Variants in ASPH observed in about 807,000 individuals in gnomAD.
The protein encoded by ASPH is aspartate beta-hydroxylase.
ASPH carries 100 observed loss-of-function variants against 118.4 expected under a neutral mutation model. The observed-to-expected ratio is 0.84, with a 90% CI of 0.72 to 1.00. The LOEUF (loss-of-function observed/expected upper bound fraction) is 1.00. ASPH is among the 50% of genes least tolerant of loss of function. The pLI, the probability that ASPH is intolerant of heterozygous loss-of-function variation, is 0.00. For missense variants in ASPH, 920 were observed against 919.5 expected, an observed-to-expected ratio of 1.00 and a Z score of -0.01; for synonymous variants, 315 against 325.6, an observed-to-expected ratio of 0.97 and a Z score of 0.35.
chr8:61,604,595 GATT>G (rs757160313), intron 14 of ASPH, among the ~76,000 whole-genome samples: 4 of 152,136 alleles, frequency 2.6e-5, no homozygotes, highest in Non-Finnish European at 5.9e-5. Flanking sequence ...AAACATCACA[GATT>G]ATTGTCAGCC....
intron 10 of ASPH, among the ~76,000 whole-genome samples, chr8:61,641,046 T>C (rs1804876701): frequency 6.6e-6 from 1 of 152,244 alleles, no homozygotes; most frequent in African/African-American, 2.4e-5. Context: ...TGTTTTAGCA[T>C]ATAGTGAATA....
chr8:61,583,827 C>T (rs1417312186), intron 15 of ASPH, 117 bp downstream of exon 15: 5 of 688,494 alleles, frequency 7.3e-6, no homozygotes, highest in Non-Finnish European at 1.2e-5. Context: ...GGGAAAAATC[C>T]ACTCTATTCA....
intron 14 of ASPH, among the ~76,000 whole-genome samples, chr8:61,594,680 TTC>T (rs1202188825): frequency 6.6e-6 from 1 of 152,234 alleles, no homozygotes; most frequent in Admixed American, 6.5e-5. Context: ...GTTATAATGT[TTC>T]TATTTTATTA....
chr8:61,691,102 A>C (rs1319222256), intron 1 of ASPH, among the ~76,000 whole-genome samples: 2 of 152,234 alleles, frequency 1.3e-5, no homozygotes. Flanking sequence ...AAATTATAGA[A>C]GGGATTCTTT....
At chr8:61,577,399 CAAA>C (rs775523503) in intron 15 of ASPH, among the ~76,000 whole-genome samples, 3 of 23,290 alleles carry the variant, frequency 1.3e-4, no homozygotes, top group African/African-American at 1.8e-4. Context: ...CCCAATCTCG[CAAA>C]AAAAAAAAAA....
intron 21 of ASPH, among the ~76,000 whole-genome samples, chr8:61,533,610 C>A (rs1200957315): frequency 1.3e-5 from 2 of 152,124 alleles, no homozygotes; most frequent in Admixed American, 6.6e-5. Context: ...CATTGTCAAG[C>A]CAGTTTGTTT....
chr8:61,571,506 T>G (rs1833466689), intron 16 of ASPH, among the ~76,000 whole-genome samples: 1 of 152,214 alleles, frequency 6.6e-6, no homozygotes, highest in Admixed American at 6.5e-5. Flanking sequence ...CAATGTAACT[T>G]CTATGTAAAT....
chr8:61,676,085 T>C (rs1484876452), intron 3 of ASPH: 2 of 1,599,384 alleles, frequency 1.3e-6, no homozygotes, highest in Non-Finnish European at 1.7e-6. Context: ...TTACTGGTTA[T>C]GTAAATCCAA....
rs1804719656 is a variant in ASPH at position 61,500,750 on chromosome 8, T to C, written c.*2609A>G. 1 of 152,240 alleles carries C rather than the reference T, an allele frequency of 6.6e-6. No individual in the cohort carries two copies. The highest frequency in any genetic ancestry group is 2.4e-5 in the African/African-American group (1 of 41,468). 9.4% of individuals were successfully genotyped at this position (152,240 alleles called of 1,614,324 possible). On this transcript the variant is annotated 3_prime_UTR_variant, in exon 25 of 25. Transcript: ENST00000379454. ...GCCATCTGCATGACATGGGTATTTA[T>C]TAGTATTACCAGTTGGTGCTCAAAG...
intron 3 of ASPH, among the ~76,000 whole-genome samples, chr8:61,673,086 C>T (rs1765826100): frequency 6.6e-6 from 1 of 152,186 alleles, no homozygotes; most frequent in African/African-American, 2.4e-5. Context: ...ATAATTCAAA[C>T]AGAAAATAGT....
intron 18 of ASPH, among the ~76,000 whole-genome samples, chr8:61,561,068 AAGGGAGAGAGGG>A (rs1356767521): frequency 3.2e-4 from 33 of 102,464 alleles, no homozygotes; most frequent in African/African-American, 1.2e-3. Context: ...GGAACGAAGG[AAGGGAGAGAGGG>A]AGGGAGGGAG....
chr8:61,661,586 A>G (rs1381846362), intron 3 of ASPH: 1 of 186,660 alleles, frequency 5.4e-6, no homozygotes, highest in African/African-American at 2.3e-5. Flanking sequence ...CAGGAGATAG[A>G]GCCTAAGTCA....
In ASPH at chr8:61,574,863, C is replaced by A. The variant is rs572655535; in HGVS notation, c.1149+1909G>T. Among the ~76,000 whole-genome samples the A allele has an allele frequency of 4.0e-5, 6 of 151,850 alleles. No individual in the cohort carries two copies. In the South Asian group the frequency reaches 1.2e-3, roughly 32 times the overall value. On this transcript the variant is annotated intron_variant, in intron 16 of 24. Transcript: ENST00000379454. Reference sequence around the variant, plus strand: ...GTATAAAAACAAACAAACAAATAAACAAAACCCAAAAAAACAAACAAACCC... The same window carrying A: ...GTATAAAAACAAACAAACAAATAAAAAAAACCCAAAAAAACAAACAAACCC...
chr8:61,656,348 T>C (rs1813684359), intron 3 of ASPH: 2 of 152,206 alleles, frequency 1.3e-5, no homozygotes, highest in Non-Finnish European at 2.9e-5. Context: ...AGGTCAAGCT[T>C]CACCCTCAGG....
In ASPH at chr8:61,710,133, A is replaced by G. The variant is rs1837730399; in HGVS notation, c.103+4136T>C. ...AACTGAGAAACACAAAGCCATATGA[A>G]ATCAGCATTAGTGATATCAAAACTC... On this transcript the variant is annotated intron_variant, in intron 1 of 24. Transcript: ENST00000379454. Among the ~76,000 whole-genome samples, 6 of 152,200 alleles carry G rather than the reference A, an allele frequency of 3.9e-5. No homozygotes were observed. The South Asian group carries it at 1.0e-3, about 26-fold the overall frequency.
chr8:61,588,585 CCTAA>C (rs1563932209), intron 14 of ASPH, among the ~76,000 whole-genome samples: 1 of 152,200 alleles, frequency 6.6e-6, no homozygotes. Context: ...GCAACAATTT[CCTAA>C]CTAGTCTCCC....
chr8:61,703,604 A>G (rs1330763166), intron 1 of ASPH, among the ~76,000 whole-genome samples: 1 of 152,232 alleles, frequency 6.6e-6, no homozygotes, highest in Non-Finnish European at 1.5e-5. Context: ...TACAAAAAAA[A>G]AGGCAGAAAG....
At chr8:61,511,525 A>G (rs1034730687) in intron 24 of ASPH, among the ~76,000 whole-genome samples, 1 of 152,208 alleles carries the variant, frequency 6.6e-6, no homozygotes, top group Non-Finnish European at 1.5e-5. Flanking sequence ...TCCTGAGTAT[A>G]ATAATTAATT....
At chr8:61,668,186 A>G in intron 3 of ASPH, 1 of 1,521,120 alleles carries the variant, frequency 6.6e-7, no homozygotes, top group Non-Finnish European at 9.1e-7. Context: ...TGCATTTTCA[A>G]ACATTAAACT....
Sources: gnomAD v4.1 joint callset for allele counts (sites outside exome capture counted in the v4.1 genomes callset) on GRCh38, gnomAD v4.1.1 for gene constraint, MANE v1.5 for transcripts, NCBI Gene and HGNC (gene_info 2026-07-23, HGNC 2026-07-21) for gene names.